The following SMARCAD1 variants were observed in gnomAD, a reference collection of about 807,000 sequenced individuals.
SMARCAD1 encodes SWI/SNF-related matrix-associated actin-dependent regulator of chromatin subfamily A containing DEAD/H box 1.
A neutral mutation model predicts 127.1 loss-of-function variants in SMARCAD1; 25 were observed. That is an observed-to-expected ratio of 0.20 (90% CI 0.14 to 0.27). SMARCAD1 has a LOEUF of 0.27. Ranked by LOEUF, SMARCAD1 falls within the 10% of genes least tolerant of loss-of-function variation. The pLI, the probability that SMARCAD1 is intolerant of heterozygous loss-of-function variation, is 1.00. For missense variants in SMARCAD1, 807 were observed against 1,206.0 expected, an observed-to-expected ratio of 0.67 and a Z score of 4.90; for synonymous variants, 400 against 396.9, an observed-to-expected ratio of 1.01 and a Z score of -0.09.
rs770100671 is a variant in SMARCAD1, at chr4:94,240,943, A to G, written c.642A>G (p.Ser214=). The G allele has an allele frequency of 5.6e-6, 9 of 1,613,488 alleles. No individual in the cohort carries two copies. Among genetic ancestry groups the G allele is most frequent in the Non-Finnish European group, 7.6e-6 (9 of 1,179,704 alleles). The change falls in exon 6 of 24, where the codon TCA becomes TCG. Residue 214 remains serine, a synonymous_variant. Coordinates refer to ENST00000354268, the MANE Select transcript of SMARCAD1 (RefSeq NM_020159.5). ...GPRKRKLSSS[S]EPYEEDEFND... ...GGAAAAGAAAATTATCTTCTTCTTCAGAGCCATATGAGGAAGATGAATTTA... is the reference window on the plus strand; with the variant it reads ...GGAAAAGAAAATTATCTTCTTCTTCGGAGCCATATGAGGAAGATGAATTTA...
At chr4:94,221,546 A>G (rs1744132392) in intron 2 of SMARCAD1, among the ~76,000 whole-genome samples, 1 of 152,242 alleles carries the variant, frequency 6.6e-6, no homozygotes, top group African/African-American at 2.4e-5. Flanking sequence ...TGAAATGAAA[A>G]CAATGTATTG....
At position 94,285,059 on chromosome 4, in the gene SMARCAD1, A is replaced by G. The variant is rs1353784463; in HGVS notation, c.3009A>G (p.Thr1003=). ...QKLKLEQDMT[T]VDEGDEGSMP... ...TGAAACTAGAACAGGATATGACTAC[A>G]GTAGATGAAGGTGAGTTGTTTGTAA... The change falls in exon 23 of 24, where the codon ACA becomes ACG. Residue 1003 remains threonine (T), a synonymous_variant. Coordinates refer to ENST00000354268, the MANE Select transcript of SMARCAD1 (RefSeq NM_020159.5). The G allele has an allele frequency of 2.5e-6, 4 of 1,603,126 alleles. No individual in the cohort carries two copies. The South Asian group carries it at 3.3e-5, about 13-fold the overall frequency.
intron 2 of SMARCAD1, among the ~76,000 whole-genome samples, chr4:94,221,550 T>G (rs548920523): frequency 1.3e-5 from 2 of 152,162 alleles, no homozygotes; most frequent in African/African-American, 4.8e-5. Context: ...ATGAAAACAA[T>G]GTATTGCAAC....
intron 2 of SMARCAD1, among the ~76,000 whole-genome samples, chr4:94,214,135 C>A (rs1742749683): frequency 6.6e-6 from 1 of 151,934 alleles, no homozygotes; most frequent in African/African-American, 2.4e-5. Context: ...TAACCTTTAA[C>A]AGTTTCAGTA....
chr4:94,247,581 A>G (rs1748635312), intron 6 of SMARCAD1, among the ~76,000 whole-genome samples: 1 of 152,204 alleles, frequency 6.6e-6, no homozygotes, highest in Non-Finnish European at 1.5e-5. Flanking sequence ...ATTTAATGCT[A>G]TTTAGTACAT....
intron 16 of SMARCAD1, among the ~76,000 whole-genome samples, chr4:94,277,710 C>T (rs1753499294): frequency 6.6e-6 from 1 of 152,196 alleles, no homozygotes; most frequent in Non-Finnish European, 1.5e-5. Context: ...TTCAATACCG[C>T]AGTGTTTACA....
Position 94,234,003 on chromosome 4 carries a change from C to T in SMARCAD1, c.418C>T (p.Arg140Cys), listed in dbSNP as rs2632398. ...GTCCCAAGGCCTTCCTACCATGGCA[C>T]GTAGAAATGATGATATTTCAGAACT... ...EESQGLPTMARRNDDISELED... is the reference protein window; with the variant it reads ...EESQGLPTMACRNDDISELED... The change falls in exon 4 of 24, where the codon CGT becomes TGT. Residue 140 changes from arginine to cysteine, a missense_variant. By Grantham distance (180) the Arg-to-Cys change is radical. Coordinates refer to ENST00000354268, the MANE Select transcript of SMARCAD1 (RefSeq NM_020159.5). 5.0e-6 allele frequency: 8 copies of T among 1,613,500 alleles called. No individual in the cohort carries two copies. Among genetic ancestry groups the T allele is most frequent in the African/African-American group, 2.7e-5 (2 of 74,848 alleles).
rs113064362 is a variant in SMARCAD1, at chr4:94,279,293, C to T, written c.2418+243C>T. 9.2e-3 allele frequency among the ~76,000 whole-genome samples: 1,398 copies of T among 152,226 alleles called. 25 individuals carry two copies. The highest frequency in any genetic ancestry group is 0.032 in the African/African-American group (1,337 of 41,546). On this transcript the variant is annotated intron_variant, in intron 19 of 23. Coordinates refer to ENST00000354268, the MANE Select transcript of SMARCAD1 (RefSeq NM_020159.5). The stretch of plus-strand genomic sequence containing the variant: ...TGCTGAATAGCTGGGACTACAGGCA[C>T]GCACCACCATGCCCGGCTAATTTTT...
Position 94,276,386 on chromosome 4 carries a change from G to A in SMARCAD1, c.1856G>A (p.Arg619Gln). 6.2e-6 allele frequency: 10 copies of A among 1,614,044 alleles called. No individual in the cohort carries two copies. The highest frequency in any genetic ancestry group is 2.2e-5 in the East Asian group (1 of 44,858). ...TCTGATGACCGTAGTCTGTTTCGAC[G>A]GCTGAAACTTAATTACGCAATTTTT... is the stretch of plus-strand genomic sequence containing the variant. ...SSSDDRSLFRRLKLNYAIFDE... is the reference protein window; with the variant it reads ...SSSDDRSLFRQLKLNYAIFDE... The change falls in exon 15 of 24, where the codon CGG becomes CAG. Residue 619 changes from arginine (R) to glutamine (Q), a missense_variant. Arg to Gln is a conservative substitution (Grantham distance 43). Transcript: ENST00000354268.
intron 2 of SMARCAD1, among the ~76,000 whole-genome samples, chr4:94,210,796 T>C (rs1025718408): frequency 2.0e-5 from 3 of 151,186 alleles, no homozygotes; most frequent in Non-Finnish European, 4.4e-5. Flanking sequence ...TAGCCAGGCA[T>C]GGTGGAGCGT....
In SMARCAD1 at chr4:94,265,868, G is replaced by A. The variant is rs566983870; in HGVS notation, c.1481+962G>A. 6.1e-4 allele frequency among the ~76,000 whole-genome samples: 93 copies of A among 152,102 alleles called. 1 individual carries two copies. The highest frequency in any genetic ancestry group is 2.0e-3 in the African/African-American group (83 of 41,536). Reference sequence around the variant, plus strand: ...GTTCAAAGTATTTCTGATAGGTTAAGATTAGCAGTAGGATCTCATTAAAAT... The same window carrying A: ...GTTCAAAGTATTTCTGATAGGTTAAAATTAGCAGTAGGATCTCATTAAAAT... On this transcript the variant is annotated intron_variant, in intron 10 of 23. Coordinates refer to ENST00000354268, the MANE Select transcript of SMARCAD1 (RefSeq NM_020159.5).
intron 9 of SMARCAD1, among the ~76,000 whole-genome samples, chr4:94,263,687 A>G (rs1300968364): frequency 1.3e-5 from 2 of 151,972 alleles, no homozygotes; most frequent in Non-Finnish European, 2.9e-5. Context: ...GATTACTTAG[A>G]GTTGTTAATG....
intron 10 of SMARCAD1, among the ~76,000 whole-genome samples, chr4:94,268,510 G>C (rs1327276148): frequency 6.6e-6 from 1 of 152,192 alleles, no homozygotes; most frequent in African/African-American, 2.4e-5. Context: ...TGAATAGGAT[G>C]ACTAAAGAAT....
At chr4:94,249,778 T>G in intron 7 of SMARCAD1, 23 bp downstream of exon 7, 1 of 1,285,106 alleles carries the variant, frequency 7.8e-7, no homozygotes, top group East Asian at 2.3e-5. Flanking sequence ...GTATGAAAAT[T>G]TAATCAGTGT....
Position 94,283,136 on chromosome 4 carries a change from T to C in SMARCAD1, c.2742T>C (p.Asp914=). 1 of 1,612,346 alleles carries C rather than the reference T, an allele frequency of 6.2e-7. No homozygotes were observed. Among genetic ancestry groups the C allele is most frequent in the Non-Finnish European group, 8.5e-7 (1 of 1,178,844 alleles). ...TATCTTACAGGATTCATCTAATTGATGAGTTTAATACCGATATGGATATCT... is the reference window on the plus strand; with the variant it reads ...TATCTTACAGGATTCATCTAATTGACGAGTTTAATACCGATATGGATATCT... ...TQISERIHLI[D]EFNTDMDIFV... Residue 914 remains aspartate, a synonymous_variant, in exon 22 of 24, where the codon GAT becomes GAC. Coordinates refer to ENST00000354268, the MANE Select transcript of SMARCAD1 (RefSeq NM_020159.5).
intron 10 of SMARCAD1, among the ~76,000 whole-genome samples, chr4:94,265,347 T>C (rs1751577590): frequency 6.6e-6 from 1 of 151,732 alleles, no homozygotes; most frequent in Non-Finnish European, 1.5e-5. Flanking sequence ...TCCCATACTG[T>C]GATGAAATGT....
At chr4:94,279,166 C>CT (rs201562165) in intron 19 of SMARCAD1, 116 bp downstream of exon 19, 7,769 of 1,290,178 alleles carry the variant, frequency 6.0e-3, no homozygotes, top group Middle Eastern at 7.1e-3. Context: ...TTAAGAAAAA[C>CT]TTTTTTTTTT....
At chr4:94,276,049 G>A (rs561977302) in intron 14 of SMARCAD1, among the ~76,000 whole-genome samples, 24 of 152,014 alleles carry the variant, frequency 1.6e-4, no homozygotes, top group African/African-American at 5.5e-4. Context: ...CGCCCGCCTC[G>A]GCCTCCAAAA....
intron 9 of SMARCAD1, among the ~76,000 whole-genome samples, chr4:94,256,412 G>A (rs570766353): frequency 6.6e-6 from 1 of 152,070 alleles, no homozygotes; most frequent in Non-Finnish European, 1.5e-5. Flanking sequence ...ACTTAGGCTG[G>A]AGTGCAATGG....
Sources: allele counts gnomAD v4.1 joint callset (sites outside exome capture counted in the v4.1 genomes callset), GRCh38; gene constraint gnomAD v4.1.1; transcripts MANE v1.5; gene names NCBI Gene and HGNC (gene_info 2026-07-23, HGNC 2026-07-21).